HAAO: variants seen among roughly 807,000 people sequenced by gnomAD.
The protein encoded by HAAO is 3-hydroxyanthranilate 3,4-dioxygenase.
Under a neutral mutation model 46.2 loss-of-function variants are expected in HAAO, and 49 were observed. The ratio of observed to expected loss-of-function variants is 1.06; its 90% CI spans 0.84 to 1.34. The LOEUF (loss-of-function observed/expected upper bound fraction) is 1.34, where lower values mean the gene tolerates loss of function less well. HAAO is among the 40% of genes most tolerant of loss of function. HAAO has a pLI of 0.00. For synonymous variants in HAAO, 157 were observed against 145.2 expected (o/e 1.08, Z -0.58); for missense variants, 408 against 364.5 (o/e 1.12, Z -0.97).
chr2:42,777,319 A>G (rs1359669515), intron 4 of HAAO, among the ~76,000 whole-genome samples: 1 of 150,640 alleles, frequency 6.6e-6, no homozygotes, highest in Non-Finnish European at 1.5e-5. Context: ...AAAAAAAAAA[A>G]AAAAGAAGAA....
chr2:42,773,849 C>T (rs189409498), intron 4 of HAAO, among the ~76,000 whole-genome samples: 12 of 152,200 alleles, frequency 7.9e-5, no homozygotes, highest in African/African-American at 2.4e-4. Context: ...CTCGGCCTCC[C>T]GAAGTGCTGG....
In HAAO at chr2:42,792,490, C is replaced by T; in HGVS notation, c.47G>A (p.Gly16Asp). 2 of 1,591,926 alleles carry T rather than the reference C, an allele frequency of 1.3e-6. No homozygotes were observed. The highest frequency in any genetic ancestry group is 2.4e-5 in the East Asian group (1 of 41,456). ...GTTGCAGACCGGGGGCTGGAAGGAGCCCCGGTTCTCCTTCACCCAGGCCCT... is the reference window on the plus strand; with the variant it reads ...GTTGCAGACCGGGGGCTGGAAGGAGTCCCGGTTCTCCTTCACCCAGGCCCT... ...GVRAWVKENRGSFQPPVCNKL... is the reference protein window; with the variant it reads ...GVRAWVKENRDSFQPPVCNKL... The change falls in exon 1 of 10, where the codon GGC becomes GAC. Residue 16 changes from glycine to aspartate, a missense_variant. Transcript: ENST00000294973.
chr2:42,789,759 C>T (rs1237983796), intron 1 of HAAO, among the ~76,000 whole-genome samples: 1 of 152,098 alleles, frequency 6.6e-6, no homozygotes, highest in African/African-American at 2.4e-5. Context: ...TTCCCAAACT[C>T]CTCAGTCTTT....
Position 42,769,783 on chromosome 2 carries a change from A to G in HAAO, c.560T>C (p.Leu187Pro), listed in dbSNP as rs1670966704. 1 of 1,613,914 alleles carries G rather than the reference A, an allele frequency of 6.2e-7. No individual in the cohort carries two copies. Among genetic ancestry groups the G allele is most frequent in the African/African-American group, 1.3e-5 (1 of 74,930 alleles). Residue 187 changes from leucine to proline, a missense_variant, in exon 7 of 10, where the codon CTG becomes CCG. Coordinates refer to ENST00000294973, the MANE Select transcript of HAAO (RefSeq NM_012205.3). Reference sequence around the variant, plus strand: ...CTGCAGCTCCCTGTGGTGGCTGTCCAGCCAGGCATCCAGGGACATGGGCTC... The same window carrying G: ...CTGCAGCTCCCTGTGGTGGCTGTCCGGCCAGGCATCCAGGGACATGGGCTC... ...IMEPMSLDAW[L>P]DSHHRELQAG...
Position 42,792,559 on chromosome 2 carries a change from C to G in HAAO, c.-23G>C. On this transcript the variant is annotated 5_prime_UTR_variant, in exon 1 of 10. Transcript: ENST00000294973. ...CATGACTGTCCCGGGCGCCTCCTCG[C>G]AGCGCTGTCCTCCCGCCGTCGGAGG... is the stretch of plus-strand genomic sequence containing the variant. 1 of 1,512,012 alleles carries G rather than the reference C, an allele frequency of 6.6e-7. No individual in the cohort carries two copies. Among genetic ancestry groups the G allele is most frequent in the Non-Finnish European group, 8.8e-7 (1 of 1,130,708 alleles). 93.7% of individuals were successfully genotyped at this position (1,512,012 alleles called of 1,614,324 possible).
chr2:42,776,910 G>A (rs1260168180), intron 4 of HAAO, among the ~76,000 whole-genome samples: 2 of 151,860 alleles, frequency 1.3e-5, no homozygotes, highest in Non-Finnish European at 2.9e-5. Flanking sequence ...GGGATTACAG[G>A]CCTGAGCCAC....
intron 4 of HAAO, among the ~76,000 whole-genome samples, chr2:42,781,279 G>A (rs1325082052): frequency 6.6e-6 from 1 of 152,166 alleles, no homozygotes; most frequent in Non-Finnish European, 1.5e-5. Context: ...ATTTTATCAA[G>A]GATTTGACTG....
chr2:42,774,627 G>C (rs576363370), intron 4 of HAAO, among the ~76,000 whole-genome samples: 80 of 152,248 alleles, frequency 5.3e-4, no homozygotes, highest in Non-Finnish European at 9.0e-4. Flanking sequence ...TTCTAGGATG[G>C]TAGAGAGTTG....
chr2:42,776,231 C>CTTTTTTTTTTTTTTTT (rs57398023), intron 4 of HAAO, among the ~76,000 whole-genome samples: 1 of 71,198 alleles, frequency 1.4e-5, no homozygotes, highest in African/African-American at 6.1e-5. Flanking sequence ...TGGCATCCAT[C>CTTTTTTTTTTTTTTTT]TTTTTTTTTT....
At chr2:42,786,355 GT>G (rs1017042503) in intron 2 of HAAO, among the ~76,000 whole-genome samples, 4 of 152,184 alleles carry the variant, frequency 2.6e-5, no homozygotes, top group Admixed American at 2.6e-4. Flanking sequence ...AGTAAATGAT[GT>G]TTGGGAGCCT....
At position 42,767,455 on chromosome 2, in the gene HAAO, G is replaced by C; in HGVS notation, c.843C>G (p.Cys281Trp). 2 of 1,612,836 alleles carry C rather than the reference G, an allele frequency of 1.2e-6. No individual in the cohort carries two copies. The highest frequency in any genetic ancestry group is 1.7e-6 in the Non-Finnish European group (2 of 1,179,412). The change falls in exon 10 of 10, where the codon TGC becomes TGG. Residue 281 changes from cysteine to tryptophan, a missense_variant. Cys to Trp is a radical substitution (Grantham distance 215). Transcript: ENST00000294973. ...AAGAGGGTCACCCCAGGGGCTTCTT[G>C]CAGGCAGGGTCCTGGGTCACAGACA... ...VALSVTQDPA[C>W]KKPLG
chr2:42,783,126 A>G (rs1006824966), intron 4 of HAAO, 188 bp downstream of exon 4: 4 of 589,514 alleles, frequency 6.8e-6, no homozygotes, highest in Non-Finnish European at 1.2e-5. Context: ...AATCCACCCC[A>G]CTCTACCCCT....
chr2:42,791,287 C>T (rs891056452), intron 1 of HAAO, among the ~76,000 whole-genome samples: 4 of 152,046 alleles, frequency 2.6e-5, no homozygotes, highest in African/African-American at 9.7e-5. Flanking sequence ...ACCAATGATG[C>T]CAGCAAACCA....
intron 2 of HAAO, among the ~76,000 whole-genome samples, chr2:42,786,811 G>A (rs1672420703): frequency 6.6e-6 from 1 of 152,176 alleles, no homozygotes; most frequent in African/African-American, 2.4e-5. Flanking sequence ...CAGAGGCAGA[G>A]CTCAGTGAGG....
At position 42,790,242 on chromosome 2, in the gene HAAO, G is replaced by A. The variant is rs538636952; in HGVS notation, c.81-1635C>T. Among the ~76,000 whole-genome samples the A allele has an allele frequency of 3.9e-5, 6 of 152,244 alleles. No individual in the cohort carries two copies. In the South Asian group the frequency reaches 6.2e-4, roughly 16 times the overall value. ...TGGGCCCAATAAACCGGAAACACAC[G>A]TGTGGACCTGATGTTTGGAAAGGTG... is the stretch of plus-strand genomic sequence containing the variant. On this transcript the variant is annotated intron_variant, in intron 1 of 9. Transcript: ENST00000294973.
rs1193506411 is a variant in HAAO, at chr2:42,785,085, C to T, written c.160-1218G>A. 5.3e-5 allele frequency among the ~76,000 whole-genome samples: 8 copies of T among 152,162 alleles called. No homozygotes were observed. The East Asian group carries it at 1.5e-3, about 29-fold the overall frequency. On this transcript the variant is annotated intron_variant, in intron 2 of 9. Coordinates refer to ENST00000294973, the MANE Select transcript of HAAO (RefSeq NM_012205.3). ...CAGCTCTGCCAGGGTGCTGTGTGCC[C>T]TTGGTCAATTCAGTTAGCCTTTCTG...
chr2:42,769,935 G>A, intron 6 of HAAO, 77 bp from the exon 7 acceptor site: 1 of 1,481,402 alleles, frequency 6.8e-7, no homozygotes, highest in East Asian at 2.3e-5. Flanking sequence ...GTTCCCAGGG[G>A]CCCCAGGTCT....
chr2:42,770,097 G>T, intron 6 of HAAO, 46 bp downstream of exon 6: 2 of 1,561,390 alleles, frequency 1.3e-6, no homozygotes, highest in Non-Finnish European at 1.8e-6. Flanking sequence ...ATCCTATTTT[G>T]GAAGGGGAGG....
At chr2:42,769,665 C>A in intron 7 of HAAO, 48 bp downstream of exon 7, 1 of 1,545,184 alleles carries the variant, frequency 6.5e-7, no homozygotes, top group Non-Finnish European at 8.8e-7. Context: ...TTCCCATTTT[C>A]CAGGGCTGCT....
Sources: gnomAD v4.1 joint callset for allele counts (sites outside exome capture counted in the v4.1 genomes callset) on GRCh38, gnomAD v4.1.1 for gene constraint, MANE v1.5 for transcripts, NCBI Gene and HGNC (gene_info 2026-07-23, HGNC 2026-07-21) for gene names.